GRIK2: variants seen among roughly 807,000 people sequenced by gnomAD.
The protein encoded by GRIK2 is glutamate receptor ionotropic, kainate 2.
A neutral mutation model predicts 100.3 loss-of-function variants in GRIK2; 32 were observed. The observed-to-expected ratio is 0.32, with a 90% CI of 0.24 to 0.43. The LOEUF (loss-of-function observed/expected upper bound fraction) is 0.43, where lower values mean the gene tolerates loss of function less well. Ranked by LOEUF, GRIK2 falls within the 20% of genes least tolerant of loss-of-function variation. GRIK2 has a pLI of 1.00. For missense variants in GRIK2, 843 were observed against 1,114.9 expected (o/e 0.76, Z 3.47); for synonymous variants, 417 against 389.4 (o/e 1.07, Z -0.83).
At chr6:101,501,388 C>T (rs992563416) in intron 2 of GRIK2, among the ~76,000 whole-genome samples, 1 of 152,130 alleles carries the variant, frequency 6.6e-6, no homozygotes, top group African/African-American at 2.4e-5. Flanking sequence ...ATTGTATGAA[C>T]TTTGAAATCA....
At chr6:101,793,607 G>T (rs1460256020) in intron 7 of GRIK2, among the ~76,000 whole-genome samples, 3 of 152,162 alleles carry the variant, frequency 2.0e-5, no homozygotes, top group Non-Finnish European at 4.4e-5. Context: ...TGAGGTGTCA[G>T]TCTGCCCCTA....
At chr6:101,952,088 CAG>C (rs1329115863) in intron 14 of GRIK2, among the ~76,000 whole-genome samples, 1 of 152,220 alleles carries the variant, frequency 6.6e-6, no homozygotes, top group Middle Eastern at 3.2e-3. Context: ...TAGCTCTTGA[CAG>C]TGCCTAATCT....
At chr6:101,692,554 T>C (rs557880561) in intron 7 of GRIK2, among the ~76,000 whole-genome samples, 1 of 152,164 alleles carries the variant, frequency 6.6e-6, no homozygotes, top group South Asian at 2.1e-4. Flanking sequence ...ATATAACAAT[T>C]ATGTTCAAAA....
At chr6:101,885,876 G>A (rs1214189642) in intron 11 of GRIK2, among the ~76,000 whole-genome samples, 1 of 151,926 alleles carries the variant, frequency 6.6e-6, no homozygotes, top group East Asian at 1.9e-4. Flanking sequence ...CATTAGTGTA[G>A]TACATTTGTT....
At chr6:101,746,895 G>T (rs1776452529) in intron 7 of GRIK2, among the ~76,000 whole-genome samples, 1 of 151,990 alleles carries the variant, frequency 6.6e-6, no homozygotes, top group Non-Finnish European at 1.5e-5. Context: ...TCTGTAATAT[G>T]GTTGTGTTCT....
chr6:101,577,414 TA>T (rs951949776), intron 2 of GRIK2, among the ~76,000 whole-genome samples: 6 of 152,038 alleles, frequency 3.9e-5, no homozygotes, highest in African/African-American at 1.4e-4. Flanking sequence ...TCATGAAAAT[TA>T]ATTAAAAAAA....
intron 15 of GRIK2, among the ~76,000 whole-genome samples, chr6:102,040,924 C>G (rs539260749): frequency 6.6e-6 from 1 of 151,490 alleles, no homozygotes; most frequent in Non-Finnish European, 1.5e-5. Flanking sequence ...TCTATTTTCC[C>G]TTTGCATAAG....
intron 2 of GRIK2, among the ~76,000 whole-genome samples, chr6:101,406,934 A>G (rs1248690203): frequency 1.3e-5 from 2 of 152,154 alleles, no homozygotes; most frequent in Admixed American, 6.5e-5. Flanking sequence ...CTTTTCTATT[A>G]TTAAACTAAA....
chr6:101,633,744 C>T (rs1391867928), intron 4 of GRIK2, among the ~76,000 whole-genome samples: 1 of 152,110 alleles, frequency 6.6e-6, no homozygotes, highest in African/African-American at 2.4e-5. Context: ...TACAAATACA[C>T]ATACACATAC....
intron 2 of GRIK2, among the ~76,000 whole-genome samples, chr6:101,442,847 G>A (rs1178448365): frequency 6.6e-6 from 1 of 152,236 alleles, no homozygotes; most frequent in Non-Finnish European, 1.5e-5. Context: ...TTTTTGCTCC[G>A]TCTGGACTGT....
At chr6:101,710,584 C>T (rs559179165) in intron 7 of GRIK2, among the ~76,000 whole-genome samples, 5 of 151,872 alleles carry the variant, frequency 3.3e-5, no homozygotes, top group African/African-American at 9.6e-5. Flanking sequence ...AAACAAAACA[C>T]TTTATAATAA....
intron 10 of GRIK2, 151 bp downstream of exon 10, chr6:101,818,634 A>T: frequency 1.7e-6 from 1 of 588,758 alleles, no homozygotes; most frequent in Non-Finnish European, 3.0e-6. Context: ...ATGTTAATTT[A>T]GTCACAGTTT....
At chr6:101,515,711 C>G (rs892856143) in intron 2 of GRIK2, among the ~76,000 whole-genome samples, 2 of 152,046 alleles carry the variant, frequency 1.3e-5, no homozygotes, top group Admixed American at 6.6e-5. Flanking sequence ...ATTTGTACAT[C>G]TTCTTTTGAG....
intron 2 of GRIK2, chr6:101,430,526 G>T: frequency 5.7e-6 from 1 of 175,354 alleles, no homozygotes; most frequent in Non-Finnish European, 1.2e-5. Flanking sequence ...CGTGGTGTTG[G>T]GTGTCCGGGC....
At chr6:101,701,649 A>G (rs1188334779) in intron 7 of GRIK2, among the ~76,000 whole-genome samples, 1 of 152,098 alleles carries the variant, frequency 6.6e-6, no homozygotes, top group Admixed American at 6.6e-5. Context: ...AAAATTATGC[A>G]CAGTTTTCTT....
chr6:101,683,568 C>T (rs1004238033), intron 6 of GRIK2, among the ~76,000 whole-genome samples: 22 of 152,260 alleles, frequency 1.4e-4, no homozygotes, highest in Admixed American at 1.4e-3. Flanking sequence ...ATTCTTTCTT[C>T]CACATGTCCC....
At chr6:102,046,621 A>G (rs1391145706) in intron 15 of GRIK2, among the ~76,000 whole-genome samples, 1 of 152,154 alleles carries the variant, frequency 6.6e-6, no homozygotes. Context: ...CTATGAGTCA[A>G]TTAAAACTCT....
chr6:102,065,791 C>A, intron 16 of GRIK2: 1 of 1,507,474 alleles, frequency 6.6e-7, no homozygotes, highest in Non-Finnish European at 9.0e-7. Flanking sequence ...TTAAATGTTT[C>A]AACAGAGAGC....
chr6:101,907,873 T>G (rs1042576279), intron 12 of GRIK2, among the ~76,000 whole-genome samples: 3 of 151,650 alleles, frequency 2.0e-5, no homozygotes, highest in African/African-American at 7.3e-5. Flanking sequence ...TCATTTATCC[T>G]TTAAGACATT....
Sources: allele counts gnomAD v4.1 joint callset (sites outside exome capture counted in the v4.1 genomes callset), GRCh38; gene constraint gnomAD v4.1.1; transcripts MANE v1.5; gene names NCBI Gene and HGNC (gene_info 2026-07-23, HGNC 2026-07-21).